ZNF423: variants seen among roughly 807,000 people sequenced by gnomAD.
ZNF423 encodes Ebf-associated zinc finger protein.
Under a neutral mutation model 95.8 loss-of-function variants are expected in ZNF423, and 12 were observed. The observed-to-expected ratio is 0.13, with a 90% CI of 0.08 to 0.20. The LOEUF is 0.20. Among genes scored for constraint, ZNF423 ranks in the 10% least tolerant of loss-of-function variants. The pLI, the probability that ZNF423 is intolerant of heterozygous loss-of-function variation, is 1.00. For missense variants in ZNF423, 1,316 were observed against 1,737.1 expected, an observed-to-expected ratio of 0.76 and a Z score of 4.31; for synonymous variants, 749 against 711.9, an observed-to-expected ratio of 1.05 and a Z score of -0.83.
intron 5 of ZNF423, among the ~76,000 whole-genome samples, chr16:49,561,926 T>A (rs1970029282): frequency 6.6e-6 from 1 of 152,198 alleles, no homozygotes; most frequent in Non-Finnish European, 1.5e-5. Context: ...TGATTGACAA[T>A]TCAGGCACGT....
At chr16:49,660,388 G>A (rs1247350217) in intron 3 of ZNF423, among the ~76,000 whole-genome samples, 1 of 60,152 alleles carries the variant, frequency 1.7e-5, no homozygotes, top group South Asian at 9.0e-4. Context: ...ATGAGAAAAC[G>A]AATGAATGAA....
intron 7 of ZNF423, among the ~76,000 whole-genome samples, chr16:49,514,940 A>G (rs9936632): frequency 0.64 from 97,357 of 152,192 alleles, 32,351 homozygotes; most frequent in African/African-American, 0.83. Flanking sequence ...GCAGTGCCCC[A>G]CAGCTCCAAG....
chr16:49,704,810 C>T (rs967940234), intron 3 of ZNF423, among the ~76,000 whole-genome samples: 19 of 152,240 alleles, frequency 1.2e-4, no homozygotes, highest in Admixed American at 9.8e-4. Context: ...AATATGGCTG[C>T]CAGAGCTTGG....
chr16:49,631,612 C>G (rs1237697478), intron 4 of ZNF423, among the ~76,000 whole-genome samples: 2 of 152,172 alleles, frequency 1.3e-5, no homozygotes, highest in Admixed American at 6.5e-5. Flanking sequence ...TGAGCAACTG[C>G]AGAGGGGGGC....
intron 2 of ZNF423, among the ~76,000 whole-genome samples, chr16:49,775,008 C>T (rs922099513): frequency 6.6e-6 from 1 of 152,148 alleles, no homozygotes; most frequent in African/African-American, 2.4e-5. Flanking sequence ...AGGAAAGTTA[C>T]CCCAGCAGCT....
chr16:49,629,758 TTGCAGAATAACATA>T (rs1972436191), intron 4 of ZNF423, among the ~76,000 whole-genome samples: 2 of 152,352 alleles, frequency 1.3e-5, no homozygotes, highest in South Asian at 4.1e-4. Flanking sequence ...ACACATAAAG[TTGCAGAATAACATA>T]TGCAGAGGAG....
intron 5 of ZNF423, among the ~76,000 whole-genome samples, chr16:49,599,789 T>C (rs1567494762): frequency 1.3e-5 from 2 of 152,034 alleles, no homozygotes; most frequent in Admixed American, 1.3e-4. Context: ...TCAACAGAAA[T>C]GACACTCAGA....
chr16:49,790,477 G>C (rs1376551487), intron 1 of ZNF423, among the ~76,000 whole-genome samples: 5 of 152,246 alleles, frequency 3.3e-5, no homozygotes, highest in African/African-American at 9.6e-5. Context: ...GAGCCACGAA[G>C]AGTTTGGGCT....
intron 3 of ZNF423, among the ~76,000 whole-genome samples, chr16:49,683,142 G>A (rs1298504597): frequency 6.6e-6 from 1 of 152,146 alleles, no homozygotes; most frequent in East Asian, 1.9e-4. Context: ...CCTGGCGTCT[G>A]CCTCCAACTT....
At chr16:49,542,899 C>T (rs921229557) in intron 5 of ZNF423, among the ~76,000 whole-genome samples, 63 of 152,302 alleles carry the variant, frequency 4.1e-4, no homozygotes, top group Middle Eastern at 3.4e-3. Flanking sequence ...GGCCCCCACC[C>T]TTCCAAGGGT....
chr16:49,597,711 T>C (rs1971229533), intron 5 of ZNF423, among the ~76,000 whole-genome samples: 1 of 152,154 alleles, frequency 6.6e-6, no homozygotes, highest in Admixed American at 6.5e-5. Context: ...AACATTATGA[T>C]TCTAGAGCTC....
At chr16:49,693,603 C>T (rs1714022837) in intron 3 of ZNF423, among the ~76,000 whole-genome samples, 1 of 152,196 alleles carries the variant, frequency 6.6e-6, no homozygotes, top group African/African-American at 2.4e-5. Flanking sequence ...AATAGCACTG[C>T]ACCCTCCAGC....
At position 49,549,506 on chromosome 16, in the gene ZNF423, G is replaced by A. The variant is rs542075537; in HGVS notation, c.3602-24012C>T. ...GGGCCCAAAGAACGGAGGCACAGCAGACCCATTTCCTCTCCTCTCCTCCAG... is the reference window on the plus strand; with the variant it reads ...GGGCCCAAAGAACGGAGGCACAGCAAACCCATTTCCTCTCCTCTCCTCCAG... On this transcript the variant is annotated intron_variant, in intron 5 of 7. Transcript: ENST00000563137. Among the ~76,000 whole-genome samples, 204 of 152,310 alleles carry A rather than the reference G, an allele frequency of 1.3e-3. 1 individual carries two copies. The highest frequency in any genetic ancestry group is 1.8e-4 in the Non-Finnish European group (12 of 68,030).
chr16:49,770,889 C>T (rs996111225), intron 2 of ZNF423, among the ~76,000 whole-genome samples: 1 of 152,218 alleles, frequency 6.6e-6, no homozygotes, highest in Non-Finnish European at 1.5e-5. Flanking sequence ...CCAGCCACCC[C>T]ACAGGAGCCT....
intron 7 of ZNF423, chr16:49,517,659 T>A: frequency 4.0e-6 from 1 of 251,064 alleles, no homozygotes; most frequent in Admixed American, 5.3e-5. Flanking sequence ...CTTTAAGCCA[T>A]AACAAAATGA....
intron 1 of ZNF423, among the ~76,000 whole-genome samples, chr16:49,843,698 A>T (rs1225104970): frequency 6.6e-6 from 1 of 152,160 alleles, no homozygotes; most frequent in African/African-American, 2.4e-5. Flanking sequence ...ATCTTGACTC[A>T]GACCTTCAGG....
chr16:49,651,364 G>A (rs1182665284), intron 3 of ZNF423, among the ~76,000 whole-genome samples: 1 of 152,108 alleles, frequency 6.6e-6, no homozygotes, highest in Admixed American at 6.6e-5. Flanking sequence ...AGGCCTGGGA[G>A]CACAGACTCT....
At chr16:49,502,038 T>C (rs1967424415) in intron 7 of ZNF423, among the ~76,000 whole-genome samples, 1 of 152,110 alleles carries the variant, frequency 6.6e-6, no homozygotes, top group Non-Finnish European at 1.5e-5. Context: ...AAATAAAAGT[T>C]GGGGGAAAAC....
At chr16:49,616,440 T>C (rs1971878036) in intron 5 of ZNF423, among the ~76,000 whole-genome samples, 1 of 152,106 alleles carries the variant, frequency 6.6e-6, no homozygotes, top group African/African-American at 2.4e-5. Context: ...CAGTCAACAA[T>C]CATTTATTGT....
Sources: gnomAD v4.1 joint callset for allele counts (sites outside exome capture counted in the v4.1 genomes callset) on GRCh38, gnomAD v4.1.1 for gene constraint, MANE v1.5 for transcripts, NCBI Gene and HGNC (gene_info 2026-07-23, HGNC 2026-07-21) for gene names.